The following POLD3 variants were observed in gnomAD, a reference collection of about 807,000 sequenced individuals.
POLD3 encodes the protein DNA polymerase delta 3, accessory subunit, also known as DNA polymerase delta subunit 3.
In POLD3, 19 loss-of-function variants were observed where a neutral mutation model predicts 58.2. That is an observed-to-expected ratio of 0.33 (90% CI 0.23 to 0.48). The LOEUF (loss-of-function observed/expected upper bound fraction) is 0.48. POLD3 is among the 20% of genes least tolerant of loss of function. The pLI is 0.99. For missense variants in POLD3, 504 were observed against 545.5 expected, an observed-to-expected ratio of 0.92 and a Z score of 0.76; for synonymous variants, 172 against 193.5, an observed-to-expected ratio of 0.89 and a Z score of 0.92.
chr11:74,623,209 G>A (rs868370740), intron 7 of POLD3, among the ~76,000 whole-genome samples: 4 of 152,070 alleles, frequency 2.6e-5, no homozygotes, highest in African/African-American at 7.2e-5. Context: ...CGAGGCGGGC[G>A]GATCACGAGG....
At chr11:74,625,907 T>TGTG in intron 8 of POLD3, among the ~76,000 whole-genome samples, 1 of 87,124 alleles carries the variant, frequency 1.1e-5, no homozygotes, top group Non-Finnish European at 2.3e-5. Context: ...GTGTGTGTGT[T>TGTG]TCACTTCAAA....
rs1474881661 is a variant in POLD3 at position 74,640,623 on chromosome 11, A to G, written c.1258A>G (p.Lys420Glu). 6.2e-7 allele frequency: 1 copy of G among 1,607,648 alleles called. No homozygotes were observed. The highest frequency in any genetic ancestry group is 8.5e-7 in the Non-Finnish European group (1 of 1,177,340). ...AGATAGTGAAGAGGAGCTTAACATGAAGACATCCTCAGTACACAGACCCCC... is the reference window on the plus strand; with the variant it reads ...AGATAGTGAAGAGGAGCTTAACATGGAGACATCCTCAGTACACAGACCCCC... ...CTDSEEELNM[K>E]TSSVHRPPAM... Residue 420 changes from lysine to glutamate, a missense_variant, in exon 12 of 12, where the codon AAG becomes GAG. By Grantham distance (56) the Lys-to-Glu change is moderately conservative. Around this residue, in one of 2 missense-constraint regions of POLD3, gnomAD observed 385 missense variants for 370.5 expected, o/e 1.04. Transcript: ENST00000263681.
At chr11:74,655,333 A>G (rs114943247) in intron 4 of POLD3, among the ~76,000 whole-genome samples, 1,723 of 152,382 alleles carry the variant, frequency 0.011, 27 homozygotes, top group African/African-American at 0.039. Context: ...CACAGACTCT[A>G]TAGATTTAGT....
chr11:74,604,489 A>G (rs1374770166), intron 2 of POLD3: 2 of 522,886 alleles, frequency 3.8e-6, no homozygotes, highest in African/African-American at 3.8e-5. Context: ...GCCAGCTCCA[A>G]ACACATGGAC....
At chr11:74,635,108 A>G (rs776283840) in intron 10 of POLD3, among the ~76,000 whole-genome samples, 3 of 152,176 alleles carry the variant, frequency 2.0e-5, no homozygotes, top group Non-Finnish European at 4.4e-5. Flanking sequence ...TGGATGGGAA[A>G]ACTGTCAACC....
At chr11:74,647,657 A>G (rs1019725876), downstream of POLD3, among the ~76,000 whole-genome samples, 4 of 152,206 alleles carry the variant, frequency 2.6e-5, no homozygotes, top group African/African-American at 9.6e-5. Context: ...GCTACTGTGG[A>G]TTCCAGAAAA....
intron 4 of POLD3, chr11:74,652,498 T>A (rs150061098): frequency 6.6e-6 from 1 of 152,210 alleles, no homozygotes; most frequent in Non-Finnish European, 1.5e-5. Flanking sequence ...TACTTTCTAA[T>A]CATACATATT....
At chr11:74,627,904 G>A (rs1233619995) in intron 8 of POLD3, among the ~76,000 whole-genome samples, 3 of 152,088 alleles carry the variant, frequency 2.0e-5, no homozygotes, top group Non-Finnish European at 4.4e-5. Context: ...GACCGCAGTT[G>A]GGAGAAGTTT....
At chr11:74,655,813 GGTATCT>G (rs2033126739) in intron 4 of POLD3, among the ~76,000 whole-genome samples, 1 of 152,136 alleles carries the variant, frequency 6.6e-6, no homozygotes, top group African/African-American at 2.4e-5. Flanking sequence ...AGGGATGTCT[GGTATCT>G]GTTCATGCAA....
At chr11:74,629,128 C>T (rs1275969038) in intron 8 of POLD3, 89 bp from the exon 9 acceptor site, 5 of 740,818 alleles carry the variant, frequency 6.7e-6, no homozygotes, top group African/African-American at 3.7e-5. Flanking sequence ...ATTAAGACCA[C>T]GAGTTATAAA....
At chr11:74,634,237 T>C (rs141215586) in intron 9 of POLD3, among the ~76,000 whole-genome samples, 221 of 152,270 alleles carry the variant, frequency 1.5e-3, no homozygotes, top group Non-Finnish European at 2.3e-3. Flanking sequence ...AATAAGAAAA[T>C]CTGTCTCTTA....
At chr11:74,639,514 C>T (rs2032849846) in intron 11 of POLD3, among the ~76,000 whole-genome samples, 1 of 152,236 alleles carries the variant, frequency 6.6e-6, no homozygotes, top group South Asian at 2.1e-4. Flanking sequence ...CAATGTTTCT[C>T]TATCGCTTGC....
chr11:74,637,905 G>C (rs4612836), intron 11 of POLD3, among the ~76,000 whole-genome samples: 1 of 151,770 alleles, frequency 6.6e-6, no homozygotes, highest in Non-Finnish European at 1.5e-5. Flanking sequence ...TCTCTGCTCA[G>C]ACTGTTCCAA....
At chr11:74,601,621 T>C (rs921637479) in intron 2 of POLD3, among the ~76,000 whole-genome samples, 2 of 152,132 alleles carry the variant, frequency 1.3e-5, no homozygotes, top group Non-Finnish European at 2.9e-5. Flanking sequence ...AGCCTGTTTC[T>C]ACCAGGAAGA....
At position 74,620,309 on chromosome 11, in the gene POLD3, A is replaced by G. The variant is rs80123289; in HGVS notation, c.733+220A>G. 6.4e-3 allele frequency among the ~76,000 whole-genome samples: 975 copies of G among 152,274 alleles called. 11 individuals carry two copies. Among genetic ancestry groups the G allele is most frequent in the African/African-American group, 0.022 (919 of 41,570 alleles). ...GTTGAGATCTCTTTGAGAGCAGTTT[A>G]TTATTCCTGGTTTAACTTCCTGCCT... is the stretch of plus-strand genomic sequence containing the variant. On this transcript the variant is annotated intron_variant, in intron 7 of 11. Coordinates refer to ENST00000263681, the MANE Select transcript of POLD3 (RefSeq NM_006591.3).
intron 8 of POLD3, among the ~76,000 whole-genome samples, chr11:74,628,010 A>G (rs1174603109): frequency 6.6e-6 from 1 of 152,080 alleles, no homozygotes; most frequent in Non-Finnish European, 1.5e-5. Flanking sequence ...TATTTGTGGG[A>G]AAGGTTTTTA....
rs752521882 is a variant in POLD3, at chr11:74,640,630, C to A, written c.1265C>A (p.Ser422Tyr). 6.2e-7 allele frequency: 1 copy of A among 1,608,622 alleles called. No individual in the cohort carries two copies. The highest frequency in any genetic ancestry group is 8.5e-7 in the Non-Finnish European group (1 of 1,177,750). Residue 422 changes from serine (S) to tyrosine (Y), a missense_variant, in exon 12 of 12, where the codon TCC becomes TAC. Physicochemically the swap from Ser to Tyr is moderately radical, Grantham distance 144. This residue lies in a region of POLD3 where 385 missense variants were observed against 370.5 expected (regional missense o/e 1.04). Transcript: ENST00000263681. Reference protein sequence around the residue: ...DSEEELNMKTSSVHRPPAMTV... With the variant: ...DSEEELNMKTYSVHRPPAMTV... ...GAAGAGGAGCTTAACATGAAGACATCCTCAGTACACAGACCCCCTGCCATG... is the reference window on the plus strand; with the variant it reads ...GAAGAGGAGCTTAACATGAAGACATACTCAGTACACAGACCCCCTGCCATG...
chr11:74,650,442 T>C (rs910410000), intron 4 of POLD3, among the ~76,000 whole-genome samples: 8 of 152,186 alleles, frequency 5.3e-5, no homozygotes, highest in African/African-American at 1.7e-4. Context: ...CAACCATATT[T>C]CTACTTGAAG....
chr11:74,651,924 A>G (rs1011964798), intron 4 of POLD3, among the ~76,000 whole-genome samples: 7 of 152,206 alleles, frequency 4.6e-5, no homozygotes, highest in African/African-American at 1.7e-4. Context: ...GGAAAGCTGG[A>G]CTCAGCCTTA....
Sources: allele counts gnomAD v4.1 joint callset (sites outside exome capture counted in the v4.1 genomes callset), GRCh38; gene constraint gnomAD v4.1.1; regional missense constraint gnomAD v4.1.1; transcripts MANE v1.5; gene names NCBI Gene and HGNC (gene_info 2026-07-23, HGNC 2026-07-21).